The following MPDZ variants were observed in gnomAD, a reference collection of about 807,000 sequenced individuals.
The protein encoded by MPDZ is multiple PDZ domain crumbs cell polarity complex component, also known as multiple PDZ domain protein.
A neutral mutation model predicts 239.1 loss-of-function variants in MPDZ; 234 were observed. The ratio of observed to expected loss-of-function variants is 0.98; its 90% CI spans 0.88 to 1.09. The LOEUF is 1.09. Ranked by LOEUF, MPDZ falls within the 50% of genes least tolerant of loss-of-function variation. The pLI is 0.00. For synonymous variants in MPDZ, 1,048 were observed against 881.3 expected (o/e 1.19, Z -3.35); for missense variants, 3,175 against 2,510.0 (o/e 1.26, Z -5.66).
intron 21 of MPDZ, among the ~76,000 whole-genome samples, 183 bp from the exon 22 acceptor site, chr9:13,168,747 A>C (rs1951407178): frequency 6.6e-6 from 1 of 152,162 alleles, no homozygotes; most frequent in African/African-American, 2.4e-5. Flanking sequence ...TAAATTGTAA[A>C]TGTTTGTGAA....
Position 13,192,182 on chromosome 9 carries a change from G to C in MPDZ, c.1917C>G (p.Thr639=). Residue 639 remains threonine, a synonymous_variant, in exon 15 of 47, where the codon ACC becomes ACG. Transcript: ENST00000319217. ...VCCRRTVPPT[T]QSELDSLDLC... is the part of the protein sequence containing the mutation. ...AGTCCAGGCTATCCAATTCTGATTG[G>C]GTGGTGGGTGGCACAGTTCGACGAC... 1 of 1,610,736 alleles carries C rather than the reference G, an allele frequency of 6.2e-7. No individual in the cohort carries two copies. Among genetic ancestry groups the C allele is most frequent in the Non-Finnish European group, 8.5e-7 (1 of 1,178,434 alleles).
chr9:13,250,916 G>A (rs997162738), intron 1 of MPDZ, among the ~76,000 whole-genome samples: 3 of 151,914 alleles, frequency 2.0e-5, no homozygotes, highest in Admixed American at 6.6e-5. Context: ...GTCACTTGAG[G>A]TCAGGAGTTC....
chr9:13,114,056 G>C, intron 40 of MPDZ, 35 bp from the exon 41 acceptor site: 2 of 1,485,930 alleles, frequency 1.3e-6, no homozygotes, highest in South Asian at 2.4e-5. Flanking sequence ...AGAAGGTTTT[G>C]CAAGTAACAT....
At chr9:13,197,879 A>C (rs980762775) in intron 12 of MPDZ, among the ~76,000 whole-genome samples, 4 of 152,054 alleles carry the variant, frequency 2.6e-5, no homozygotes, top group Admixed American at 1.3e-4. Flanking sequence ...TATTTCACTT[A>C]ACACAATGTC....
chr9:13,226,443 G>A (rs907013695), intron 3 of MPDZ, among the ~76,000 whole-genome samples: 8 of 151,942 alleles, frequency 5.3e-5, no homozygotes, highest in Admixed American at 5.3e-4. Flanking sequence ...TCATCTCCTA[G>A]CAGTCTGTCC....
chr9:13,165,353 T>G (rs1412773208), intron 22 of MPDZ: 1 of 1,548,972 alleles, frequency 6.5e-7, no homozygotes, highest in Admixed American at 2.0e-5. Flanking sequence ...AGCTTTCGAA[T>G]CACTGATACT....
intron 12 of MPDZ, among the ~76,000 whole-genome samples, chr9:13,199,160 T>C (rs577960540): frequency 2.8e-4 from 42 of 152,164 alleles, no homozygotes; most frequent in African/African-American, 7.7e-4. Context: ...TATCTCTCCA[T>C]ATTTTTGTGT....
chr9:13,198,784 T>TGTG (rs1491106957), intron 12 of MPDZ, among the ~76,000 whole-genome samples: 11 of 149,090 alleles, frequency 7.4e-5, no homozygotes, highest in South Asian at 2.1e-4. Context: ...TGTGTGTGTG[T>TGTG]TTTAGGACAG....
Position 13,189,625 on chromosome 9 carries a change from C to T in MPDZ, c.2154+489G>A, listed in dbSNP as rs895252745. On this transcript the variant is annotated intron_variant, in intron 16 of 46. Transcript: ENST00000319217. Reference sequence around the variant, plus strand: ...CTCTATCAGACAGGCTTTACCATCTCCTCCCTTAGCAAAGAATGCAATGCA... The same window carrying T: ...CTCTATCAGACAGGCTTTACCATCTTCTCCCTTAGCAAAGAATGCAATGCA... Among the ~76,000 whole-genome samples, 9 of 152,240 alleles carry T rather than the reference C, an allele frequency of 5.9e-5. No homozygotes were observed. The South Asian group carries it at 1.2e-3, about 21-fold the overall frequency.
At position 13,224,588 on chromosome 9, in the gene MPDZ, G is replaced by A; in HGVS notation, c.184-5C>T. On this transcript the variant is annotated splice_polypyrimidine_tract_variant and splice_region_variant and intron_variant, in intron 3 of 46. Coordinates refer to ENST00000319217, the MANE Select transcript of MPDZ (RefSeq NM_001378778.1). ...TGCTGAAGTTGCAATATTTACCTAA[G>A]AGTAATGCAGGGATTATTAAGAATT... is the stretch of plus-strand genomic sequence containing the variant. 6.3e-7 allele frequency: 1 copy of A among 1,576,296 alleles called. No homozygotes were observed. Among genetic ancestry groups the A allele is most frequent in the Non-Finnish European group, 8.7e-7 (1 of 1,151,262 alleles).
intron 38 of MPDZ, 70 bp from the exon 39 acceptor site, chr9:13,119,719 T>C: frequency 6.3e-7 from 1 of 1,583,740 alleles, no homozygotes; most frequent in Non-Finnish European, 8.6e-7. Flanking sequence ...TAATAAAAAG[T>C]TACGTTTTTA....
chr9:13,215,753 G>GT (rs56281339), intron 10 of MPDZ, among the ~76,000 whole-genome samples: 31,572 of 88,890 alleles, frequency 0.36, 8,666 homozygotes, highest in African/African-American at 0.66. Context: ...TCTATTGCAG[G>GT]TTTTTTTTTT....
intron 38 of MPDZ, among the ~76,000 whole-genome samples, chr9:13,121,390 G>C (rs946443676): frequency 1.3e-5 from 2 of 152,128 alleles, no homozygotes; most frequent in East Asian, 1.9e-4. Flanking sequence ...TTCCTTTGTT[G>C]CAAGAATATA....
Position 13,221,478 on chromosome 9 carries a change from G to C in MPDZ, c.770C>G (p.Thr257Arg), listed in dbSNP as rs746462724. ...AGATCCATCATTCACCAATTCAATC[G>C]TTTCCATGTGTTGCCAGTGAACCTA... ...SNPVHWQHMETIELVNDGSGL... is the reference protein window; with the variant it reads ...SNPVHWQHMERIELVNDGSGL... Residue 257 changes from threonine (T) to arginine (R), a missense_variant, in exon 7 of 47, where the codon ACG (threonine) becomes AGG (arginine). Transcript: ENST00000319217. 1.2e-6 allele frequency: 2 copies of C among 1,609,996 alleles called. No individual in the cohort carries two copies. Among genetic ancestry groups the C allele is most frequent in the East Asian group, 4.5e-5 (2 of 44,672 alleles).
intron 10 of MPDZ, among the ~76,000 whole-genome samples, chr9:13,210,769 G>C (rs1266788810): frequency 6.6e-6 from 1 of 152,034 alleles, no homozygotes; most frequent in Non-Finnish European, 1.5e-5. Context: ...AGGGGCCAGT[G>C]GGAAGAAGAG....
At chr9:13,183,815 G>C (rs930003973) in intron 18 of MPDZ, among the ~76,000 whole-genome samples, 1 of 151,970 alleles carries the variant, frequency 6.6e-6, no homozygotes, top group Non-Finnish European at 1.5e-5. Context: ...ATCAATAAAA[G>C]GGCTAAAGGC....
At chr9:13,195,992 G>C (rs1564005635) in intron 13 of MPDZ, 129 bp downstream of exon 13, 1 of 577,124 alleles carries the variant, frequency 1.7e-6, no homozygotes, top group Non-Finnish European at 2.9e-6. Flanking sequence ...ACCATATTTA[G>C]GTTGTCTAAA....
intron 3 of MPDZ, among the ~76,000 whole-genome samples, chr9:13,235,453 A>T (rs1963695473): frequency 6.6e-6 from 1 of 152,192 alleles, no homozygotes; most frequent in Non-Finnish European, 1.5e-5. Flanking sequence ...AAGTGACAAA[A>T]TGCTTTCCAT....
intron 17 of MPDZ, 104 bp from the exon 18 acceptor site, chr9:13,186,490 G>T: frequency 1.3e-6 from 1 of 741,554 alleles, no homozygotes; most frequent in Non-Finnish European, 2.3e-6. Flanking sequence ...GGCGAGAAGA[G>T]AAAGAAATTG....
Sources: allele counts gnomAD v4.1 joint callset (sites outside exome capture counted in the v4.1 genomes callset), GRCh38; gene constraint gnomAD v4.1.1; transcripts MANE v1.5; gene names NCBI Gene and HGNC (gene_info 2026-07-23, HGNC 2026-07-21).